The following NOL4L variants were observed in gnomAD, a reference collection of about 807,000 sequenced individuals.
NOL4L encodes nucleolar protein 4 like.
In NOL4L, 7 loss-of-function variants were observed where a neutral mutation model predicts 64.5. That is an observed-to-expected ratio of 0.11 (90% CI 0.06 to 0.20). The LOEUF is 0.20. NOL4L is among the 10% of genes least tolerant of loss of function. The pLI is 1.00. For synonymous variants in NOL4L, 413 were observed against 401.0 expected (o/e 1.03, Z -0.36); for missense variants, 680 against 967.1 (o/e 0.70, Z 3.94).
intron 4 of NOL4L, among the ~76,000 whole-genome samples, chr20:32,500,304 C>A (rs1031607285): frequency 7.3e-5 from 11 of 150,968 alleles, no homozygotes; most frequent in African/African-American, 2.7e-4. Flanking sequence ...TCTGCCTTGG[C>A]CTCCCAAAGT....
chr20:32,575,939 C>G (rs537676754), intron 1 of NOL4L, among the ~76,000 whole-genome samples: 1 of 152,274 alleles, frequency 6.6e-6, no homozygotes, highest in East Asian at 1.9e-4. Flanking sequence ...AAGAGTATTC[C>G]AAGCTAGAGG....
chr20:32,543,701 AACC>A (rs913555897), intron 1 of NOL4L, among the ~76,000 whole-genome samples: 26 of 152,208 alleles, frequency 1.7e-4, no homozygotes, highest in African/African-American at 6.3e-4. Flanking sequence ...GAGGCACAAT[AACC>A]ACTTGAACCC....
At chr20:32,480,817 C>T (rs2015669109) in intron 4 of NOL4L, among the ~76,000 whole-genome samples, 1 of 152,202 alleles carries the variant, frequency 6.6e-6, no homozygotes, top group Non-Finnish European at 1.5e-5. Flanking sequence ...GTCTGAGCCA[C>T]AGCTCCTGGG....
chr20:32,558,539 G>A (rs558284193), intron 1 of NOL4L, among the ~76,000 whole-genome samples: 1 of 152,320 alleles, frequency 6.6e-6, no homozygotes, highest in Admixed American at 6.5e-5. Flanking sequence ...CACGGTTCTG[G>A]AAAGGGACTG....
chr20:32,447,318 G>A lies in NOL4L; in HGVS notation c.*278C>T, dbSNP rs557850410. 5 of 608,162 alleles carry A rather than the reference G, an allele frequency of 8.2e-6. No homozygotes were observed. Among genetic ancestry groups the A allele is most frequent in the Non-Finnish European group, 1.5e-5 (5 of 330,496 alleles). 37.7% of individuals were successfully genotyped at this position (608,162 alleles called of 1,614,324 possible). A position where few individuals can be genotyped will look rare whatever the true frequency, so the allele number is the denominator to read the frequency against. On this transcript the variant is annotated 3_prime_UTR_variant, in exon 11 of 11. Coordinates refer to ENST00000621426, the MANE Select transcript of NOL4L (RefSeq NM_001256798.2). Reference sequence around the variant, plus strand: ...TTCTAAACAGAGCTGCAGCCCCAGCGCCTTGTCAGGGGAGCCCCCAACCCT... The same window carrying A: ...TTCTAAACAGAGCTGCAGCCCCAGCACCTTGTCAGGGGAGCCCCCAACCCT...
At chr20:32,475,089 T>A in intron 4 of NOL4L, 3 of 985,466 alleles carry the variant, frequency 3.0e-6, no homozygotes, top group Non-Finnish European at 3.6e-6. Context: ...CTCCCTGCTC[T>A]CAGCCCAGGG....
intron 1 of NOL4L, among the ~76,000 whole-genome samples, chr20:32,571,613 C>G (rs1010850435): frequency 2.0e-5 from 3 of 152,132 alleles, no homozygotes; most frequent in Non-Finnish European, 2.9e-5. Context: ...GGCCTATCTC[C>G]TCCTCTCCCC....
At chr20:32,454,239 A>G (rs963218400) in intron 6 of NOL4L, among the ~76,000 whole-genome samples, 1 of 152,244 alleles carries the variant, frequency 6.6e-6, no homozygotes, top group African/African-American at 2.4e-5. Flanking sequence ...CACCAAAGCA[A>G]CGAGCATGCT....
At chr20:32,497,841 C>G (rs771579083) in intron 4 of NOL4L, among the ~76,000 whole-genome samples, 6 of 152,206 alleles carry the variant, frequency 3.9e-5, no homozygotes, top group East Asian at 3.8e-4. Flanking sequence ...CCACTTCCCC[C>G]CTTCATTCAT....
intron 1 of NOL4L, among the ~76,000 whole-genome samples, chr20:32,581,285 G>T (rs1980456710): frequency 6.6e-6 from 1 of 152,044 alleles, no homozygotes; most frequent in Non-Finnish European, 1.5e-5. Context: ...CCCCACTTGG[G>T]CCCCAGCTGC....
rs535602358 is a variant in NOL4L at position 32,447,258 on chromosome 20, G to T, written c.*338C>A. On this transcript the variant is annotated 3_prime_UTR_variant, in exon 11 of 11. Transcript: ENST00000621426. ...TAAGACTTGAAAGGTAATTATCTGG[G>T]GGTGGGATTCTAACATCAGGGTCCA... 4 of 539,986 alleles carry T rather than the reference G, an allele frequency of 7.4e-6. No individual in the cohort carries two copies. Among genetic ancestry groups the T allele is most frequent in the South Asian group, 4.6e-5 (3 of 65,328 alleles). 33.4% of individuals were successfully genotyped at this position (539,986 alleles called of 1,614,324 possible).
chr20:32,447,933 TGA>T, intron 10 of NOL4L, 117 bp from the exon 11 acceptor site: 2 of 1,299,308 alleles, frequency 1.5e-6, no homozygotes, highest in South Asian at 1.7e-5. Context: ...AGTTGGGCAC[TGA>T]AGTCCGTGGC....
intron 1 of NOL4L, among the ~76,000 whole-genome samples, chr20:32,530,864 T>C (rs1051523701): frequency 2.6e-5 from 4 of 151,810 alleles, no homozygotes; most frequent in African/African-American, 9.7e-5. Flanking sequence ...GAGGTTGCAG[T>C]GAGCTGAGAT....
chr20:32,487,685 T>C (rs1600734254), intron 4 of NOL4L, among the ~76,000 whole-genome samples: 1 of 152,144 alleles, frequency 6.6e-6, no homozygotes, highest in Admixed American at 6.5e-5. Flanking sequence ...GTGTGGGCTT[T>C]ACACTGGGAG....
At chr20:32,570,881 G>A (rs1979711668) in intron 1 of NOL4L, among the ~76,000 whole-genome samples, 1 of 152,130 alleles carries the variant, frequency 6.6e-6, no homozygotes, top group African/African-American at 2.4e-5. Context: ...ACTCAACCAC[G>A]ACCCTTAAGA....
chr20:32,505,658 GTGAAC>G (rs1270201695), intron 4 of NOL4L, among the ~76,000 whole-genome samples: 1 of 152,216 alleles, frequency 6.6e-6, no homozygotes, highest in Non-Finnish European at 1.5e-5. Flanking sequence ...CAAGGCTGCA[GTGAAC>G]TGTGATCGTG....
intron 4 of NOL4L, among the ~76,000 whole-genome samples, chr20:32,494,627 T>G (rs936193204): frequency 6.6e-6 from 1 of 152,194 alleles, no homozygotes; most frequent in African/African-American, 2.4e-5. Flanking sequence ...TCCCTTATCT[T>G]TTTCAACCAC....
At chr20:32,501,312 T>C (rs2016914825) in intron 4 of NOL4L, among the ~76,000 whole-genome samples, 1 of 152,176 alleles carries the variant, frequency 6.6e-6, no homozygotes, top group South Asian at 2.1e-4. Context: ...ACACAACTAG[T>C]ACTCTTCGAA....
intron 1 of NOL4L, among the ~76,000 whole-genome samples, chr20:32,537,375 A>G (rs1220208812): frequency 1.3e-5 from 2 of 152,174 alleles, no homozygotes; most frequent in Non-Finnish European, 2.9e-5. Flanking sequence ...CCGTCCTGGG[A>G]GACAAAACAG....
Sources: gnomAD v4.1 joint callset for allele counts (sites outside exome capture counted in the v4.1 genomes callset) on GRCh38, gnomAD v4.1.1 for gene constraint, MANE v1.5 for transcripts, NCBI Gene and HGNC (gene_info 2026-07-23, HGNC 2026-07-21) for gene names.